ACACB: variants seen among roughly 807,000 people sequenced by gnomAD.
The protein encoded by ACACB is acetyl-CoA carboxylase beta.
Under a neutral mutation model 278.8 loss-of-function variants are expected in ACACB, and 209 were observed. The ratio of observed to expected loss-of-function variants is 0.75; its 90% CI spans 0.67 to 0.84. ACACB has a LOEUF of 0.84. ACACB is among the 40% of genes least tolerant of loss of function. The pLI is 0.00. For synonymous variants in ACACB, 1,174 were observed against 1,285.6 expected (o/e 0.91, Z 1.86); for missense variants, 2,850 against 3,269.0 (o/e 0.87, Z 3.13).
chr12:109,219,610 C>T (rs531516378), intron 24 of ACACB, among the ~76,000 whole-genome samples: 5 of 152,042 alleles, frequency 3.3e-5, no homozygotes, highest in Admixed American at 2.6e-4. Context: ...GAGATATGTG[C>T]GAAAATAGTG....
In ACACB at chr12:109,172,265, G is replaced by T; in HGVS notation, c.1036-10G>T. The T allele has an allele frequency of 6.2e-7, 1 of 1,613,398 alleles. No individual in the cohort carries two copies. The highest frequency in any genetic ancestry group is 1.7e-5 in the Admixed American group (1 of 59,980). On this transcript the variant is annotated splice_polypyrimidine_tract_variant and intron_variant, in intron 5 of 52. Transcript: ENST00000338432. ...GGAAGATTGTTGCTCACCCCTTTCTGTGTTTGCAGGCGGTGTGGGCTGGCT... is the reference window on the plus strand; with the variant it reads ...GGAAGATTGTTGCTCACCCCTTTCTTTGTTTGCAGGCGGTGTGGGCTGGCT...
intron 1 of ACACB, among the ~76,000 whole-genome samples, chr12:109,122,572 CAAAAAAAAAAAAAA>C (rs59516728): frequency 1.6e-5 from 1 of 61,836 alleles, no homozygotes; most frequent in Non-Finnish European, 3.1e-5. Flanking sequence ...GACATTGTCT[CAAAAAAAAAAAAAA>C]AAAAAAAAAA....
Position 109,172,294 on chromosome 12 carries a change from G to A in ACACB, c.1055G>A (p.Gly352Asp), listed in dbSNP as rs1485413114. ...TTGCAGGCGGTGTGGGCTGGCTGGG[G>A]CCATGCTTCAGAAAACCCTAAACTT... ...IPVQAVWAGW[G>D]HASENPKLPE... The change falls in exon 6 of 53, where the codon GGC becomes GAC. Residue 352 changes from glycine to aspartate, a missense_variant. Around this residue, in one of 3 missense-constraint regions of ACACB, gnomAD observed 2,265 missense variants for 2,561.3 expected, o/e 0.88. Coordinates refer to ENST00000338432, the MANE Select transcript of ACACB (RefSeq NM_001093.4). The A allele has an allele frequency of 3.1e-6, 5 of 1,613,988 alleles. No individual in the cohort carries two copies. The highest frequency in any genetic ancestry group is 8.5e-7 in the Non-Finnish European group (1 of 1,180,030).
At chr12:109,132,736 A>G (rs951581814) in intron 1 of ACACB, among the ~76,000 whole-genome samples, 1 of 152,088 alleles carries the variant, frequency 6.6e-6, no homozygotes, top group African/African-American at 2.4e-5. Context: ...GTGTGGGGTG[A>G]CCTTTGGGTC....
chr12:109,188,047 A>G lies in ACACB; in HGVS notation c.2029A>G (p.Ser677Gly). The G allele has an allele frequency of 1.2e-6, 2 of 1,613,418 alleles. No individual in the cohort carries two copies. The highest frequency in any genetic ancestry group is 1.7e-6 in the Non-Finnish European group (2 of 1,179,338). ...GTVQELNFRS[S>G]KNVWGYFSVA... The stretch of plus-strand genomic sequence containing the variant: ...TGTCCAGGAACTGAATTTCCGGAGC[A>G]GCAAGAACGTGTGGGGTTACTTCAG... The change falls in exon 13 of 53, where the codon AGC (serine) becomes GGC (glycine). Residue 677 changes from serine (S) to glycine (G), a missense_variant. Transcript: ENST00000338432.
At chr12:109,163,731 C>T (rs2043811296) in intron 2 of ACACB, among the ~76,000 whole-genome samples, 1 of 152,182 alleles carries the variant, frequency 6.6e-6, no homozygotes, top group African/African-American at 2.4e-5. Context: ...CTCACTACAA[C>T]ATCCGCCTCC....
chr12:109,261,905 G>T (rs528959226), intron 48 of ACACB, among the ~76,000 whole-genome samples: 5 of 149,268 alleles, frequency 3.3e-5, no homozygotes, highest in Admixed American at 6.7e-5. Context: ...AGAAAGAAAA[G>T]AAAATGTATG....
chr12:109,211,964 T>C (rs562393098), intron 21 of ACACB, among the ~76,000 whole-genome samples: 34 of 152,162 alleles, frequency 2.2e-4, no homozygotes, highest in Non-Finnish European at 2.2e-4. Flanking sequence ...TTATGTGTAA[T>C]GATAAAGACA....
chr12:109,252,441 A>C (rs199894815), intron 42 of ACACB: 2 of 128,722 alleles, frequency 1.6e-5, no homozygotes, highest in Non-Finnish European at 3.3e-5. Context: ...GGAACCCCCC[A>C]AAAAAGTAAT....
rs144186987 is a variant in ACACB, at chr12:109,211,901, GT to G, written c.3250-926del. On this transcript the variant is annotated intron_variant, in intron 21 of 52. Transcript: ENST00000338432. ...TTTCAGGAATTTGTCATTGATCCAG[GT>G]TTTTTTTTCTTTAAAAATATTTTTG... is the stretch of plus-strand genomic sequence containing the variant. 5.2e-3 allele frequency among the ~76,000 whole-genome samples: 791 copies of G among 151,590 alleles called. 29 individuals carry two copies. In the East Asian group the frequency reaches 0.087, roughly 17 times the overall value.
At position 109,171,894 on chromosome 12, in the gene ACACB, G is replaced by A; in HGVS notation, c.1015G>A (p.Ala339Thr). 1 of 1,614,060 alleles carries A rather than the reference G, an allele frequency of 6.2e-7. No individual in the cohort carries two copies. ...CAACGTGGAGCTGATTGTGGACATT[G>A]CCAAGAGAATCCCCGTGCAGGTAGA... The part of the protein sequence containing the change: ...YANVELIVDI[A>T]KRIPVQAVWA... Residue 339 changes from alanine to threonine, a missense_variant, in exon 5 of 53, where the codon GCC becomes ACC. Ala to Thr is a moderately conservative substitution (Grantham distance 58). Transcript: ENST00000338432.
chr12:109,255,155 C>A (rs1255991729), intron 44 of ACACB, among the ~76,000 whole-genome samples: 1 of 152,164 alleles, frequency 6.6e-6, no homozygotes, highest in Admixed American at 6.5e-5. Flanking sequence ...CATGCACACA[C>A]ATTTTTGCAC....
chr12:109,133,582 G>A (rs2042885223), intron 1 of ACACB, among the ~76,000 whole-genome samples: 5 of 152,080 alleles, frequency 3.3e-5, no homozygotes, highest in African/African-American at 1.2e-4. Flanking sequence ...AACTGGGGTA[G>A]AGGGATGCCC....
At chr12:109,190,491 C>T (rs1339862165) in intron 13 of ACACB, among the ~76,000 whole-genome samples, 3 of 152,230 alleles carry the variant, frequency 2.0e-5, no homozygotes, top group Non-Finnish European at 2.9e-5. Flanking sequence ...GTGACAGTGC[C>T]GTCCATCTGC....
Position 109,185,725 on chromosome 12 carries a change from C to T in ACACB, c.1965C>T (p.Ser655=), listed in dbSNP as rs561157323. 9.9e-6 allele frequency: 16 copies of T among 1,610,440 alleles called. No homozygotes were observed. Among genetic ancestry groups the T allele is most frequent in the South Asian group, 5.5e-5 (5 of 90,672 alleles). The change falls in exon 12 of 53, where the codon AGC becomes AGT. Residue 655 remains serine, a synonymous_variant. Coordinates refer to ENST00000338432, the MANE Select transcript of ACACB (RefSeq NM_001093.4). ...ACGTCATTGCCGCCAGAATCACCAG[C>T]GAAAACCCAGACGAGGCAAGTTATG... ...RGHVIAARIT[S]ENPDEGFKPS...
intron 19 of ACACB, among the ~76,000 whole-genome samples, chr12:109,202,049 G>A (rs2045351090): frequency 6.6e-6 from 1 of 152,068 alleles, no homozygotes; most frequent in Non-Finnish European, 1.5e-5. Flanking sequence ...CCTCCCTCCT[G>A]GCGGCTGTCC....
intron 13 of ACACB, among the ~76,000 whole-genome samples, chr12:109,189,949 A>G (rs1197933310): frequency 6.6e-6 from 1 of 152,084 alleles, no homozygotes; most frequent in East Asian, 1.9e-4. Context: ...CGTGTCTACT[A>G]AAAATACTGA....
chr12:109,237,076 C>T (rs1458340581), intron 33 of ACACB, 89 bp from the exon 34 acceptor site: 2 of 1,337,328 alleles, frequency 1.5e-6, no homozygotes, highest in African/African-American at 2.9e-5. Context: ...CAGGGGTCTG[C>T]AGAGTAGGGT....
rs1360980694 is a variant in ACACB, at chr12:109,267,376, C to A, written c.*1014C>A. The A allele has an allele frequency of 6.6e-6, 1 of 152,264 alleles. No homozygotes were observed. The highest frequency in any genetic ancestry group is 1.5e-5 in the Non-Finnish European group (1 of 68,068). 9.4% of individuals were successfully genotyped at this position (152,264 alleles called of 1,614,324 possible). On this transcript the variant is annotated 3_prime_UTR_variant, in exon 53 of 53. Transcript: ENST00000338432. ...GCTTCTGGAGGATGCTCTCGCATAG[C>A]TCGAGGTCCTCTGCCCACCTCTTCT... is the stretch of plus-strand genomic sequence containing the variant.
Sources: allele counts gnomAD v4.1 joint callset (sites outside exome capture counted in the v4.1 genomes callset), GRCh38; gene constraint gnomAD v4.1.1; regional missense constraint gnomAD v4.1.1; transcripts MANE v1.5; gene names NCBI Gene and HGNC (gene_info 2026-07-23, HGNC 2026-07-21).